The following GNB1 variants were observed in gnomAD, a reference collection of about 807,000 sequenced individuals.
GNB1 encodes guanine nucleotide-binding protein G(I)/G(S)/G(T) subunit beta-1.
GNB1 carries 2 observed loss-of-function variants against 42.9 expected under a neutral mutation model. The ratio of observed to expected loss-of-function variants is 0.05; its 90% CI spans 0.02 to 0.15. GNB1 has a LOEUF of 0.15. Among genes scored for constraint, GNB1 ranks in the 10% least tolerant of loss-of-function variants. The pLI is 1.00. For missense variants in GNB1, 193 were observed against 462.2 expected (o/e 0.42, Z 5.34); for synonymous variants, 183 against 174.7 (o/e 1.05, Z -0.38).
In GNB1 at chr1:1,787,741, C is replaced by T. The variant is rs183846221; in HGVS notation, c.917-304G>A. Reference sequence around the variant, plus strand: ...AAGCAAAGGCCACTATCAAAAAAATCAAAACTATCATCAGACGCAGTGGCT... The same window carrying T: ...AAGCAAAGGCCACTATCAAAAAAATTAAAACTATCATCAGACGCAGTGGCT... On this transcript the variant is annotated intron_variant, in intron 10 of 11. Coordinates refer to ENST00000378609, the MANE Select transcript of GNB1 (RefSeq NM_002074.5). This position sits in a 1 kb window ranked among gnomAD's most constrained non-coding sequence, Gnocchi z 4.4. Among the ~76,000 whole-genome samples, 11 of 152,252 alleles carry T rather than the reference C, an allele frequency of 7.2e-5. No homozygotes were observed. The East Asian group carries it at 2.1e-3, about 29-fold the overall frequency.
intron 1 of GNB1, among the ~76,000 whole-genome samples, chr1:1,864,997 T>G (rs956969985): frequency 6.6e-6 from 1 of 152,020 alleles, no homozygotes; most frequent in Non-Finnish European, 1.5e-5. Context: ...GCGTGGTGGC[T>G]CATGCCTGTA....
intron 7 of GNB1, among the ~76,000 whole-genome samples, chr1:1,800,539 C>T (rs552689441): frequency 7.2e-5 from 11 of 152,130 alleles, no homozygotes; most frequent in Non-Finnish European, 1.5e-4. Flanking sequence ...ACCCCAGCCC[C>T]CTGAGCCTCG....
intron 10 of GNB1, 163 bp downstream of exon 10, chr1:1,788,890 G>C: frequency 1.7e-6 from 1 of 599,528 alleles, no homozygotes; most frequent in Non-Finnish European, 3.0e-6. Flanking sequence ...CACTTGCCTG[G>C]AGGGTCAGAG....
chr1:1,806,638 C>T (rs1042345377), intron 5 of GNB1, 100 bp from the exon 6 acceptor site: 1 of 719,260 alleles, frequency 1.4e-6, no homozygotes, highest in African/African-American at 1.8e-5. Context: ...TTATGTGCTC[C>T]CATGTTACAT....
chr1:1,879,482 A>T (rs1441481311), intron 1 of GNB1, among the ~76,000 whole-genome samples: 1 of 152,252 alleles, frequency 6.6e-6, no homozygotes, highest in South Asian at 2.1e-4. Flanking sequence ...CGAGGCGGGC[A>T]GATCACGAGA....
At position 1,862,846 on chromosome 1, in the gene GNB1, T is replaced by C. The variant is rs943521453; in HGVS notation, c.-95-23608A>G. Among the ~76,000 whole-genome samples, 11 of 152,226 alleles carry C rather than the reference T, an allele frequency of 7.2e-5. No homozygotes were observed. In the South Asian group the frequency reaches 1.5e-3, roughly 20 times the overall value. ...GGGCTCCCCGGTAAGGTATTACACG[T>C]AGGCATCACACCTTGGAGACTCTTA... On this transcript the variant is annotated intron_variant, in intron 1 of 11. Coordinates refer to ENST00000378609, the MANE Select transcript of GNB1 (RefSeq NM_002074.5).
In GNB1 at chr1:1,878,859, C is replaced by CCACTGGAACT. The variant is rs1193301385; in HGVS notation, c.-96+11951_-96+11960dup. ...ACTTTCCTACAAGACTCTCCTCACC[C>CCACTGGAACT]CACTGGAACTCACTGGCCCTCAGCA... On this transcript the variant is annotated intron_variant, in intron 1 of 11. Transcript: ENST00000378609. 2.0e-5 allele frequency among the ~76,000 whole-genome samples: 3 copies of CCACTGGAACT among 152,336 alleles called. No homozygotes were observed. The East Asian group carries it at 5.8e-4, about 29-fold the overall frequency.
intron 5 of GNB1, among the ~76,000 whole-genome samples, chr1:1,811,601 C>G (rs1646780493): frequency 6.6e-6 from 1 of 151,248 alleles, no homozygotes; most frequent in Non-Finnish European, 1.5e-5. Flanking sequence ...GAGGCTGAGG[C>G]AGGAGAATGG....
chr1:1,820,118 C>T (rs1028586063), intron 3 of GNB1, among the ~76,000 whole-genome samples: 1 of 151,954 alleles, frequency 6.6e-6, no homozygotes, highest in African/African-American at 2.4e-5. Context: ...ACACCTCAGG[C>T]GGCTGAGGTG....
chr1:1,867,558 T>C (rs1649012491), intron 1 of GNB1, among the ~76,000 whole-genome samples: 2 of 152,230 alleles, frequency 1.3e-5, no homozygotes, highest in Admixed American at 6.5e-5. Context: ...AATTTTATAA[T>C]AAGCATTCTC....
At chr1:1,841,905 T>C (rs1647253360) in intron 1 of GNB1, among the ~76,000 whole-genome samples, 1 of 152,232 alleles carries the variant, frequency 6.6e-6, no homozygotes, top group African/African-American at 2.4e-5. Context: ...ATTATGTTCT[T>C]AGCAGCAGTA....
intron 1 of GNB1, among the ~76,000 whole-genome samples, chr1:1,846,820 A>C (rs1647695508): frequency 6.6e-6 from 1 of 152,212 alleles, no homozygotes; most frequent in African/African-American, 2.4e-5. Context: ...TTGGCCTCCC[A>C]AAGTGCTCAG....
intron 1 of GNB1, among the ~76,000 whole-genome samples, chr1:1,875,207 T>C (rs1401699763): frequency 2.6e-5 from 4 of 152,106 alleles, no homozygotes; most frequent in African/African-American, 4.8e-5. Context: ...TTTTTTTTTT[T>C]TGGAGACAAA....
intron 2 of GNB1, among the ~76,000 whole-genome samples, chr1:1,826,473 G>A (rs1243865767): frequency 6.6e-6 from 1 of 152,114 alleles, no homozygotes; most frequent in Non-Finnish European, 1.5e-5. Flanking sequence ...AGACCTAGGG[G>A]AAGTTACTTC....
At chr1:1,847,332 T>C (rs1647722508) in intron 1 of GNB1, among the ~76,000 whole-genome samples, 1 of 146,948 alleles carries the variant, frequency 6.8e-6, no homozygotes. Flanking sequence ...CCATCGATGT[T>C]CTTTGTCTGC....
chr1:1,889,659 TAAA>T (rs35173217), intron 1 of GNB1, among the ~76,000 whole-genome samples: 11 of 115,294 alleles, frequency 9.5e-5, no homozygotes, highest in South Asian at 2.9e-4. Context: ...TCCCATCTCT[TAAA>T]AAAAAAAAAA....
chr1:1,884,042 C>T (rs1232012930), intron 1 of GNB1, among the ~76,000 whole-genome samples: 2 of 151,000 alleles, frequency 1.3e-5, no homozygotes, highest in East Asian at 3.9e-4. Flanking sequence ...CTCGGCTCAC[C>T]GCAACCTCCG....
intron 7 of GNB1, 154 bp downstream of exon 7, chr1:1,804,265 C>A: frequency 1.8e-6 from 1 of 558,302 alleles, no homozygotes; most frequent in Non-Finnish European, 3.1e-6. Flanking sequence ...CGCCACCGCA[C>A]TCCAGCCTGG....
intron 1 of GNB1, among the ~76,000 whole-genome samples, chr1:1,875,282 C>T (rs1404416031): frequency 6.6e-6 from 1 of 151,924 alleles, no homozygotes; most frequent in Non-Finnish European, 1.5e-5. Context: ...ACCTCAACCT[C>T]TCCAGTTCAA....
Sources: gnomAD v4.1 joint callset for allele counts (sites outside exome capture counted in the v4.1 genomes callset) on GRCh38, gnomAD v4.1.1 for gene constraint, Gnocchi (gnomAD v3.1) non-coding constraint, MANE v1.5 for transcripts, NCBI Gene and HGNC (gene_info 2026-07-23, HGNC 2026-07-21) for gene names.